Variants in CD200 observed in about 807,000 individuals in gnomAD.
CD200 encodes CD200 molecule, also known as OX-2 membrane glycoprotein.
Under a neutral mutation model 30.9 loss-of-function variants are expected in CD200, and 15 were observed. The observed-to-expected ratio is 0.49, with a 90% CI of 0.32 to 0.75. The LOEUF is 0.75. Ranked by LOEUF, CD200 falls within the 30% of genes least tolerant of loss-of-function variation. The pLI is 0.03. For synonymous variants in CD200, 134 were observed against 126.2 expected, an observed-to-expected ratio of 1.06 and a Z score of -0.41; for missense variants, 262 against 324.2, an observed-to-expected ratio of 0.81 and a Z score of 1.47.
In CD200 at chr3:112,340,352, GA is replaced by G. The variant is rs532415385; in HGVS notation, c.13-546del. On this transcript the variant is annotated intron_variant, in intron 1 of 5. Transcript: ENST00000315711. The stretch of plus-strand genomic sequence containing the variant: ...GCCGAGGATTTCTGCCCAGACACAT[GA>G]AAATAAGGCAGCGAAGGAAAAAATT... Among the ~76,000 whole-genome samples the G allele has an allele frequency of 3.2e-3, 491 of 152,244 alleles. 1 individual carries two copies. Among genetic ancestry groups the G allele is most frequent in the Non-Finnish European group, 5.9e-3 (400 of 68,020 alleles).
chr3:112,337,367 G>A (rs1032070075), intron 1 of CD200, among the ~76,000 whole-genome samples: 4 of 152,286 alleles, frequency 2.6e-5, no homozygotes, highest in South Asian at 2.1e-4. Flanking sequence ...AAATACAAGT[G>A]AGGGGGAAGA....
intron 2 of CD200, among the ~76,000 whole-genome samples, chr3:112,344,593 T>C (rs1271647284): frequency 1.3e-5 from 2 of 152,196 alleles, no homozygotes; most frequent in African/African-American, 4.8e-5. Flanking sequence ...CCTTTGGCCT[T>C]TTCCTGCTCT....
chr3:112,357,271 A>AAAGAAAG (rs1553720696), intron 5 of CD200, among the ~76,000 whole-genome samples: 1 of 139,740 alleles, frequency 7.2e-6, no homozygotes, highest in East Asian at 2.1e-4. Context: ...AAAAAAAAAA[A>AAAGAAAG]AAAGAAAGAA....
At chr3:112,338,395 T>C (rs1331493743) in intron 1 of CD200, among the ~76,000 whole-genome samples, 1 of 152,066 alleles carries the variant, frequency 6.6e-6, no homozygotes, top group East Asian at 1.9e-4. Context: ...TTCCTTCATG[T>C]TTTTTTTATT....
intron 5 of CD200, among the ~76,000 whole-genome samples, chr3:112,357,132 G>C (rs1188131929): frequency 6.6e-6 from 1 of 151,804 alleles, no homozygotes; most frequent in Non-Finnish European, 1.5e-5. Flanking sequence ...GTGATGGTGG[G>C]CGCCTGTAGT....
chr3:112,342,341 CTT>C (rs1413298964), intron 2 of CD200, among the ~76,000 whole-genome samples: 1 of 45,456 alleles, frequency 2.2e-5, no homozygotes, highest in Non-Finnish European at 4.6e-5. Flanking sequence ...TTCTTTCCTT[CTT>C]TCTTTCTTTC....
chr3:112,356,684 C>T (rs2081628935), intron 5 of CD200, among the ~76,000 whole-genome samples: 1 of 152,210 alleles, frequency 6.6e-6, no homozygotes, highest in African/African-American at 2.4e-5. Flanking sequence ...ATTTCTCCTT[C>T]AAGAGTTTAA....
intron 1 of CD200, chr3:112,335,951 C>T (rs747543988): frequency 4.0e-5 from 64 of 1,609,996 alleles, no homozygotes; most frequent in Non-Finnish European, 4.7e-5. Flanking sequence ...AGACTCTGAC[C>T]AGGACAATTG....
chr3:112,341,160 C>T (rs552329394), intron 2 of CD200, among the ~76,000 whole-genome samples, 177 bp downstream of exon 2: 10 of 152,220 alleles, frequency 6.6e-5, no homozygotes, highest in African/African-American at 2.2e-4. Flanking sequence ...CTTTTGTTTT[C>T]GATGTAGAAG....
chr3:112,358,866 T>C (rs2081680209), intron 5 of CD200, among the ~76,000 whole-genome samples: 1 of 152,024 alleles, frequency 6.6e-6, no homozygotes, highest in South Asian at 2.1e-4. Flanking sequence ...CCTTGCTTCA[T>C]AGATTACCCA....
intron 5 of CD200, among the ~76,000 whole-genome samples, chr3:112,360,326 T>TA (rs72457316): frequency 6.7e-5 from 8 of 119,184 alleles, no homozygotes; most frequent in East Asian, 5.5e-4. Flanking sequence ...AGACTTCATC[T>TA]AAAAAAAATA....
chr3:112,347,689 ACT>A lies in CD200; in HGVS notation c.556_557del (p.Leu186ValfsTer19). 1 of 1,613,766 alleles carries A rather than the reference ACT, an allele frequency of 6.2e-7. No individual in the cohort carries two copies. The highest frequency in any genetic ancestry group is 1.1e-5 in the South Asian group (1 of 91,056). ...GTCAGGGATTGAAAATAGTACAGTG[ACT>A]CTGTCTCACCCAAATGGGACCACGT... is the stretch of plus-strand genomic sequence containing the variant. ...PRSGIENSTV[T>X]LSHPNGTTSV... On this transcript the variant is annotated frameshift_variant, in exon 4 of 6. Coordinates refer to ENST00000315711, the MANE Select transcript of CD200 (RefSeq NM_005944.7). LOFTEE classifies it high-confidence loss of function.
intron 5 of CD200, among the ~76,000 whole-genome samples, chr3:112,350,437 A>AT (rs1226876603): frequency 7.9e-5 from 12 of 152,140 alleles, no homozygotes; most frequent in East Asian, 7.7e-4. Flanking sequence ...TTTTAAGGTG[A>AT]TTTTTTTTCA....
At chr3:112,358,038 A>G (rs13089610) in intron 5 of CD200, among the ~76,000 whole-genome samples, 1 of 152,322 alleles carries the variant, frequency 6.6e-6, no homozygotes, top group South Asian at 2.1e-4. Flanking sequence ...AGACACTGAC[A>G]CCAGACAGGA....
At chr3:112,333,018 C>A, upstream of CD200, 2 of 694,340 alleles carry the variant, frequency 2.9e-6, no homozygotes, top group Non-Finnish European at 4.7e-6. Context: ...ATATAAACAT[C>A]ATTTAATTCC....
chr3:112,355,079 A>C (rs777078773), intron 5 of CD200, among the ~76,000 whole-genome samples: 2 of 152,228 alleles, frequency 1.3e-5, no homozygotes, highest in African/African-American at 2.4e-5. Context: ...AGATTCCTGG[A>C]ATTAGAATAT....
intron 1 of CD200, among the ~76,000 whole-genome samples, chr3:112,339,143 G>A (rs2081183927): frequency 6.6e-6 from 1 of 152,138 alleles, no homozygotes; most frequent in East Asian, 1.9e-4. Context: ...ATAAGTTGGA[G>A]TATTATTTTA....
At position 112,347,537 on chromosome 3, in the gene CD200, C is replaced by T. The variant is rs754921828; in HGVS notation, c.422-21C>T. On this transcript the variant is annotated intron_variant, in intron 3 of 5. Coordinates refer to ENST00000315711, the MANE Select transcript of CD200 (RefSeq NM_005944.7). Reference sequence around the variant, plus strand: ...ACCAGGTGCTTAACTGATAACAGATCATATTTATTTTTTGTCCCAGTACAG... The same window carrying T: ...ACCAGGTGCTTAACTGATAACAGATTATATTTATTTTTTGTCCCAGTACAG... The T allele has an allele frequency of 4.3e-6, 7 of 1,611,320 alleles. No homozygotes were observed. In the East Asian group the frequency reaches 1.6e-4, roughly 36 times the overall value.
At chr3:112,352,713 G>A (rs1034250090) in intron 5 of CD200, among the ~76,000 whole-genome samples, 3 of 152,164 alleles carry the variant, frequency 2.0e-5, no homozygotes, top group Non-Finnish European at 4.4e-5. Context: ...GTTAAGTAAG[G>A]TCAATTCTGT....
Sources: allele counts gnomAD v4.1 joint callset (sites outside exome capture counted in the v4.1 genomes callset), GRCh38; gene constraint gnomAD v4.1.1; transcripts MANE v1.5; gene names NCBI Gene and HGNC (gene_info 2026-07-23, HGNC 2026-07-21).